The following C6orf132 variants were observed in gnomAD, a reference collection of about 807,000 sequenced individuals.
The protein encoded by C6orf132 is chromosome 6 open reading frame 132, also known as uncharacterized protein C6orf132.
Under a neutral mutation model 65.3 loss-of-function variants are expected in C6orf132, and 43 were observed. The ratio of observed to expected loss-of-function variants is 0.66; its 90% confidence interval spans 0.52 to 0.85. The LOEUF (loss-of-function observed/expected upper bound fraction) is 0.85, where lower values mean the gene tolerates loss of function less well. C6orf132 is among the 40% of genes least tolerant of loss of function. The pLI is 0.00. For synonymous variants in C6orf132, 631 were observed against 654.1 expected (o/e 0.96, Z 0.54); for missense variants, 1,488 against 1,548.8 (o/e 0.96, Z 0.66).
Position 42,105,978 on chromosome 6 carries a change from G to C in C6orf132, c.1934C>G (p.Ala645Gly). 1 of 1,537,228 alleles carries C rather than the reference G, an allele frequency of 6.5e-7. No homozygotes were observed. The highest frequency in any genetic ancestry group is 2.4e-5 in the East Asian group (1 of 40,914). ...AMLGPAIPPKATPEPAIPPKA... is the reference protein window; with the variant it reads ...AMLGPAIPPKGTPEPAIPPKA... The stretch of plus-strand genomic sequence containing the variant: ...GGGTGGTATGGCTGGCTCAGGTGTG[G>C]CCTTGGGTGGTATGGCTGGTCCCAA... Residue 645 changes from alanine (A) to glycine (G), a missense_variant, in exon 4 of 5, where the codon GCC (alanine) becomes GGC (glycine). Ala to Gly is a moderately conservative substitution (Grantham distance 60). Transcript: ENST00000341865.
intron 1 of C6orf132, among the ~76,000 whole-genome samples, chr6:42,137,905 T>C (rs1430400195): frequency 6.6e-6 from 1 of 151,794 alleles, no homozygotes; most frequent in East Asian, 1.9e-4. Flanking sequence ...TGAAACCCCG[T>C]CTCTACTAAA....
At chr6:42,140,335 G>A (rs187967820) in intron 1 of C6orf132, among the ~76,000 whole-genome samples, 50 of 152,374 alleles carry the variant, frequency 3.3e-4, no homozygotes, top group Middle Eastern at 3.4e-3. Context: ...GCAAAATGCA[G>A]AAGTGGCTGA....
At chr6:42,122,424 AGGCGGC>A (rs1766703010) in intron 2 of C6orf132, among the ~76,000 whole-genome samples, 1 of 152,202 alleles carries the variant, frequency 6.6e-6, no homozygotes, top group South Asian at 2.1e-4. Flanking sequence ...GGGGACAAAG[AGGCGGC>A]TGTTTATGGG....
intron 2 of C6orf132, among the ~76,000 whole-genome samples, chr6:42,117,552 C>A (rs549515730): frequency 6.6e-6 from 1 of 152,212 alleles, no homozygotes; most frequent in East Asian, 1.9e-4. Context: ...TTTGTATGTG[C>A]CTGACACAGA....
chr6:42,125,517 C>G lies in C6orf132; in HGVS notation c.252+3155G>C, dbSNP rs530143592. Among the ~76,000 whole-genome samples, 3 of 152,280 alleles carry G rather than the reference C, an allele frequency of 2.0e-5. No homozygotes were observed. In the East Asian group the frequency reaches 5.8e-4, roughly 29 times the overall value. On this transcript the variant is annotated intron_variant, in intron 2 of 4. Coordinates refer to ENST00000341865, the MANE Select transcript of C6orf132 (RefSeq NM_001164446.3). ...CTGCCTTTCCCCGGTTAGCCAGCAC[C>G]GAGGGAACGAGTGAACTTCCCCTTC...
intron 3 of C6orf132, among the ~76,000 whole-genome samples, chr6:42,108,810 C>G (rs1264253634): frequency 6.6e-6 from 1 of 152,140 alleles, no homozygotes; most frequent in Non-Finnish European, 1.5e-5. Context: ...TGCTCCCCTC[C>G]TCTCAGTCCC....
At chr6:42,136,499 A>T (rs893750797) in intron 1 of C6orf132, among the ~76,000 whole-genome samples, 1 of 152,186 alleles carries the variant, frequency 6.6e-6, no homozygotes, top group Non-Finnish European at 1.5e-5. Flanking sequence ...GTAACCCAGA[A>T]TCCCAAAACA....
chr6:42,103,681 C>G lies in C6orf132; in HGVS notation c.*80G>C. The G allele has an allele frequency of 1.1e-6, 1 of 944,300 alleles. No individual in the cohort carries two copies. The highest frequency in any genetic ancestry group is 1.4e-6 in the Non-Finnish European group (1 of 701,684). 58.5% of individuals were successfully genotyped at this position (944,300 alleles called of 1,614,324 possible). A position where few individuals can be genotyped will look rare whatever the true frequency, so the allele number is the denominator to read the frequency against. On this transcript the variant is annotated 3_prime_UTR_variant, in exon 5 of 5. Transcript: ENST00000341865. ...CAGGTCGCCCAACACCTGCTGTGTACCTCCCACCCCCCACAAGAAACAAGT... is the reference window on the plus strand; with the variant it reads ...CAGGTCGCCCAACACCTGCTGTGTAGCTCCCACCCCCCACAAGAAACAAGT...
At chr6:42,108,181 C>T (rs868762346) in intron 3 of C6orf132, among the ~76,000 whole-genome samples, 9 of 152,180 alleles carry the variant, frequency 5.9e-5, no homozygotes, top group South Asian at 2.1e-4. Flanking sequence ...GCCAGAAAGT[C>T]CAGGGTTCAA....
rs1159536473 is a variant in C6orf132 at position 42,106,518 on chromosome 6, C to G, written c.1394G>C (p.Ser465Thr). The change falls in exon 4 of 5, where the codon AGC (serine) becomes ACC (threonine). Residue 465 changes from serine to threonine, a missense_variant. Transcript: ENST00000341865. ...CTCGTTCCGCAGCTTTTCCATCTGG[C>G]TGGGGTCCCTCCAGTCCACAGGTGC... Reference protein sequence around the residue: ...SSAPVDWRDPSQMEKLRNELA... With the variant: ...SSAPVDWRDPTQMEKLRNELA... 6.5e-7 allele frequency: 1 copy of G among 1,535,032 alleles called. No individual in the cohort carries two copies. Among genetic ancestry groups the G allele is most frequent in the South Asian group, 1.2e-5 (1 of 84,034 alleles).
Position 42,105,032 on chromosome 6 carries a change from C to A in C6orf132, c.2880G>T (p.Leu960=). The A allele has an allele frequency of 6.5e-7, 1 of 1,535,322 alleles. No homozygotes were observed. The highest frequency in any genetic ancestry group is 8.7e-7 in the Non-Finnish European group (1 of 1,146,346). Residue 960 remains leucine (L), a synonymous_variant, in exon 4 of 5, where the codon CTG becomes CTT. Transcript: ENST00000341865. ...APSNLPQGHP[L]PKSFSSPPSP... ...AAGGTGGGGAGGAGAAGGACTTGGGCAGCGGGTGGCCCTGGGGGAGGTTGG... is the reference window on the plus strand; with the variant it reads ...AAGGTGGGGAGGAGAAGGACTTGGGAAGCGGGTGGCCCTGGGGGAGGTTGG...
At position 42,105,973 on chromosome 6, in the gene C6orf132, G is replaced by A. The variant is rs1582268197; in HGVS notation, c.1939C>T (p.Pro647Ser). The change falls in exon 4 of 5, where the codon CCT (proline) becomes TCT (serine). Residue 647 changes from proline to serine, a missense_variant. Transcript: ENST00000341865. ...GCCTTGGGTGGTATGGCTGGCTCAGGTGTGGCCTTGGGTGGTATGGCTGGT... is the reference window on the plus strand; with the variant it reads ...GCCTTGGGTGGTATGGCTGGCTCAGATGTGGCCTTGGGTGGTATGGCTGGT... ...LGPAIPPKAT[P>S]EPAIPPKATL... is the part of the protein sequence containing the mutation. The A allele has an allele frequency of 6.5e-7, 1 of 1,537,188 alleles. No individual in the cohort carries two copies. The highest frequency in any genetic ancestry group is 1.2e-5 in the South Asian group (1 of 84,062).
At position 42,104,623 on chromosome 6, in the gene C6orf132, CG is replaced by C; in HGVS notation, c.3288del (p.Gly1097GlufsTer8). The stretch of plus-strand genomic sequence containing the variant: ...TTCACGCGCCGCATCTCGGGGCCTC[CG>C]GGCTGCGGCCCGAAGCAGTTGGGAG... ...LSSPNCFGPQPGGPEMRRVNS... is the reference protein window; with the variant it reads ...LSSPNCFGPQXGGPEMRRVNS... On this transcript the variant is annotated frameshift_variant, in exon 4 of 5. Transcript: ENST00000341865. LOFTEE classifies it high-confidence loss of function. The surrounding 1 kb of genome is among the most constrained non-coding windows in gnomAD (Gnocchi z 4.1). 3 of 1,382,496 alleles carry C rather than the reference CG, an allele frequency of 2.2e-6. No individual in the cohort carries two copies. The highest frequency in any genetic ancestry group is 2.8e-6 in the Non-Finnish European group (3 of 1,074,350). The allele number at this position is 1,382,496 out of a possible 1,614,324, so 85.6% of individuals were successfully genotyped here.
rs868652976 is a variant in C6orf132, at chr6:42,103,861, G to A, written c.3467C>T (p.Thr1156Ile). The change falls in exon 5 of 5, where the codon ACC becomes ATC. Residue 1156 changes from threonine to isoleucine, a missense_variant. Thr to Ile is a moderately conservative substitution (Grantham distance 89). Coordinates refer to ENST00000341865, the MANE Select transcript of C6orf132 (RefSeq NM_001164446.3). ...PAAGRSPYTT[T>I]RYGSPINTFT... ...CGTGTTGATGGGGCTTCCATAGCGG[G>A]TGGTGGTGTAGGGAGACCTGGGGGA... The A allele has an allele frequency of 5.4e-6, 8 of 1,482,888 alleles. No individual in the cohort carries two copies. The East Asian group carries it at 2.2e-4, about 40-fold the overall frequency. 91.9% of individuals were successfully genotyped at this position (1,482,888 alleles called of 1,614,324 possible).
In C6orf132 at chr6:42,106,369, G is replaced by A; in HGVS notation, c.1543C>T (p.Leu515Phe). ...GTGTCCTTTGCTGGCAGGCTCAGGA[G>A]AGTCTCCTTCTCAGGCAGGCGGGGG... ...KGPRLPEKET[L>F]LSLPAKDTPP... The change falls in exon 4 of 5, where the codon CTC (leucine) becomes TTC (phenylalanine). Residue 515 changes from leucine to phenylalanine, a missense_variant. Leu to Phe is a conservative substitution (Grantham distance 22). Transcript: ENST00000341865. The A allele has an allele frequency of 6.5e-7, 1 of 1,536,436 alleles. No homozygotes were observed. Among genetic ancestry groups the A allele is most frequent in the Non-Finnish European group, 8.7e-7 (1 of 1,146,876 alleles).
At chr6:42,123,395 A>G (rs1339914356) in intron 2 of C6orf132, among the ~76,000 whole-genome samples, 1 of 151,278 alleles carries the variant, frequency 6.6e-6, no homozygotes, top group Non-Finnish European at 1.5e-5. Context: ...AAAAAAAAAC[A>G]AAACAACGAA....
intron 2 of C6orf132, among the ~76,000 whole-genome samples, chr6:42,117,836 A>C (rs1051812541): frequency 8.8e-6 from 1 of 113,116 alleles, no homozygotes; most frequent in Admixed American, 8.5e-5. Flanking sequence ...AGGCAGGAGA[A>C]TCACTTGAAC....
intron 2 of C6orf132, among the ~76,000 whole-genome samples, chr6:42,121,345 A>G (rs972441844): frequency 6.6e-6 from 1 of 152,234 alleles, no homozygotes; most frequent in Admixed American, 6.5e-5. Context: ...ATTGACTGCT[A>G]ACATTTCAGA....
chr6:42,125,758 A>T (rs1036162870), intron 2 of C6orf132, among the ~76,000 whole-genome samples: 33 of 151,902 alleles, frequency 2.2e-4, no homozygotes, highest in African/African-American at 7.5e-4. Context: ...AGCCCAGCCC[A>T]CTCCAGGGGC....
Sources: gnomAD v4.1 joint callset for allele counts (sites outside exome capture counted in the v4.1 genomes callset) on GRCh38, gnomAD v4.1.1 for gene constraint, Gnocchi (gnomAD v3.1) non-coding constraint, MANE v1.5 for transcripts, NCBI Gene and HGNC (gene_info 2026-07-23, HGNC 2026-07-21) for gene names.